Variants in NPC1 observed in about 807,000 individuals in gnomAD.
The protein encoded by NPC1 is Niemann-Pick C1 protein.
A neutral mutation model predicts 140.4 loss-of-function variants in NPC1; 85 were observed. The ratio of observed to expected loss-of-function variants is 0.61; its 90% CI spans 0.51 to 0.72. The LOEUF is 0.72. Among genes scored for constraint, NPC1 ranks in the 30% least tolerant of loss-of-function variants. NPC1 has a pLI of 0.00. For missense variants in NPC1, 1,504 were observed against 1,623.8 expected, an observed-to-expected ratio of 0.93 and a Z score of 1.27; for synonymous variants, 656 against 624.8, an observed-to-expected ratio of 1.05 and a Z score of -0.74.
chr18:23,564,011 T>TG (rs1319094837), intron 4 of NPC1, among the ~76,000 whole-genome samples: 1 of 90,818 alleles, frequency 1.1e-5, no homozygotes, highest in African/African-American at 4.2e-5. Context: ...TTTTTGGAGA[T>TG]GGAGTCTCTG....
downstream of NPC1, among the ~76,000 whole-genome samples, chr18:23,517,759 C>T (rs2058047533): frequency 6.6e-6 from 1 of 151,676 alleles, no homozygotes; most frequent in Non-Finnish European, 1.5e-5. Flanking sequence ...GCTCTGTTGC[C>T]CAGGCTGGAG....
At position 23,563,485 on chromosome 18, in the gene NPC1, A is replaced by G. The variant is rs575940983; in HGVS notation, c.464-1958T>C. On this transcript the variant is annotated intron_variant, in intron 4 of 24. Coordinates refer to ENST00000269228, the MANE Select transcript of NPC1 (RefSeq NM_000271.5). ...ACACAGATTGGAGTGCAGTGGTGTGATCTCAGCTCACTGGCAACCTCTGCC... is the reference window on the plus strand; with the variant it reads ...ACACAGATTGGAGTGCAGTGGTGTGGTCTCAGCTCACTGGCAACCTCTGCC... 5.9e-4 allele frequency among the ~76,000 whole-genome samples: 90 copies of G among 152,252 alleles called. 1 individual carries two copies. Among genetic ancestry groups the G allele is most frequent in the Non-Finnish European group, 1.2e-3 (79 of 68,016 alleles).
downstream of NPC1, chr18:23,520,303 C>T: frequency 6.2e-7 from 1 of 1,613,212 alleles, no homozygotes; most frequent in Non-Finnish European, 8.5e-7. Flanking sequence ...CCTATCAGAT[C>T]CCCATCACAG....
At position 23,557,111 on chromosome 18, in the gene NPC1, G is replaced by A. The variant is rs2058965105; in HGVS notation, c.955+6C>T. On this transcript the variant is annotated splice_donor_region_variant and intron_variant, in intron 7 of 24. Coordinates refer to ENST00000269228, the MANE Select transcript of NPC1 (RefSeq NM_000271.5). The stretch of plus-strand genomic sequence containing the variant: ...AACCCTTTTATTCATGGACAAATAT[G>A]CCTACCTTTGTCACTTGCATTAACA... The A allele has an allele frequency of 2.5e-6, 4 of 1,603,996 alleles. No individual in the cohort carries two copies. Among genetic ancestry groups the A allele is most frequent in the African/African-American group, 2.7e-5 (2 of 74,888 alleles).
intron 21 of NPC1, among the ~76,000 whole-genome samples, chr18:23,536,251 T>C (rs2058628529): frequency 6.6e-6 from 1 of 152,208 alleles, no homozygotes; most frequent in Non-Finnish European, 1.5e-5. Context: ...AATACTTTTC[T>C]TCCTGGGAAA....
downstream of NPC1, among the ~76,000 whole-genome samples, chr18:23,526,326 G>C (rs1028090953): frequency 7.2e-5 from 11 of 152,202 alleles, no homozygotes; most frequent in Admixed American, 7.2e-4. Flanking sequence ...CTAGGTCTAG[G>C]GAAGTCCCCG....
downstream of NPC1, chr18:23,526,694 A>G: frequency 1.9e-6 from 3 of 1,614,136 alleles, no homozygotes; most frequent in Non-Finnish European, 2.5e-6. Context: ...TTACCAGACA[A>G]AGGAAGACTC....
intron 6 of NPC1, among the ~76,000 whole-genome samples, chr18:23,558,826 C>T (rs1184083836): frequency 6.6e-6 from 1 of 152,030 alleles, no homozygotes; most frequent in Non-Finnish European, 1.5e-5. Context: ...TACCCATTAA[C>T]TCGTCATTTA....
At chr18:23,550,163 C>T (rs952616004) in intron 10 of NPC1, among the ~76,000 whole-genome samples, 3 of 152,028 alleles carry the variant, frequency 2.0e-5, no homozygotes, top group African/African-American at 7.2e-5. Flanking sequence ...AAGCATGCAC[C>T]ACCATGCCCA....
intron 1 of NPC1, among the ~76,000 whole-genome samples, chr18:23,579,683 G>A (rs1048131303): frequency 1.3e-5 from 2 of 152,142 alleles, no homozygotes; most frequent in African/African-American, 4.8e-5. Context: ...GAGGTCAGGA[G>A]ATCGAGACCA....
At chr18:23,526,806 G>A (rs1184592491), downstream of NPC1, 1 of 1,605,134 alleles carries the variant, frequency 6.2e-7, no homozygotes, top group South Asian at 1.1e-5. Flanking sequence ...TCCAGTGTGA[G>A]GCCTGTGCTG....
intron 3 of NPC1, among the ~76,000 whole-genome samples, chr18:23,510,367 G>T (rs901276855): frequency 8.5e-5 from 13 of 152,076 alleles, no homozygotes; most frequent in Admixed American, 8.5e-4. Flanking sequence ...GTGGGCAAAG[G>T]CCAGGTACAG....
chr18:23,545,738 C>T (rs1298025950), intron 11 of NPC1, among the ~76,000 whole-genome samples: 2 of 152,128 alleles, frequency 1.3e-5, no homozygotes, highest in Non-Finnish European at 2.9e-5. Flanking sequence ...ACTACAGAGA[C>T]GTATCCCCAT....
rs34182768 is a variant in NPC1 at position 23,548,339 on chromosome 18, CTT to C, written c.1655-233_1655-232del. ...TGGTTATCATTCAGGAAGAGTAACT[CTT>C]TTTTTTTTTTTTTTTAAAGGATACA... On this transcript the variant is annotated intron_variant, in intron 10 of 24. Transcript: ENST00000269228. Among the ~76,000 whole-genome samples the C allele has an allele frequency of 0.022, 2,942 of 136,108 alleles. 89 individuals carry two copies. The highest frequency in any genetic ancestry group is 0.072 in the African/African-American group (2,737 of 37,828). The allele number at this position is 136,108 out of a possible 152,430, so 89.3% of individuals were successfully genotyped here. A position where few individuals can be genotyped will look rare whatever the true frequency, so the allele number is the denominator to read the frequency against.
chr18:23,538,461 T>G lies in NPC1; in HGVS notation c.3041+81A>C, dbSNP rs2058664580. The G allele has an allele frequency of 5.2e-6, 8 of 1,550,554 alleles. No individual in the cohort carries two copies. In the Admixed American group the frequency reaches 1.3e-4, roughly 26 times the overall value. On this transcript the variant is annotated intron_variant, in intron 20 of 24. Transcript: ENST00000269228. ...GAGAAGAGACGTTCCCATGCAACTG[T>G]CTTAGCCCAGTCCTCTCCTAGTTTT...
intron 1 of NPC1, among the ~76,000 whole-genome samples, chr18:23,581,445 A>T (rs1472454245): frequency 6.6e-6 from 1 of 152,206 alleles, no homozygotes; most frequent in Non-Finnish European, 1.5e-5. Context: ...CAGTTGAAGC[A>T]CCCAATGTGC....
rs993093547 is a variant in NPC1, at chr18:23,531,899, T to C, written c.*303A>G. The C allele has an allele frequency of 6.2e-6, 9 of 1,442,426 alleles. No individual in the cohort carries two copies. The highest frequency in any genetic ancestry group is 8.1e-6 in the Non-Finnish European group (9 of 1,105,530). The allele number at this position is 1,442,426 out of a possible 1,614,324, so 89.4% of individuals were successfully genotyped here. A position where few individuals can be genotyped will look rare whatever the true frequency, so the allele number is the denominator to read the frequency against. Reference sequence around the variant, plus strand: ...TGCATTGATTGGCCTTTACAGAGTGTCAGTGAGCGGATCACATTCACAGCC... The same window carrying C: ...TGCATTGATTGGCCTTTACAGAGTGCCAGTGAGCGGATCACATTCACAGCC... On this transcript the variant is annotated 3_prime_UTR_variant, in exon 25 of 25. Transcript: ENST00000269228.
At chr18:23,545,924 T>G (rs1206189529) in intron 11 of NPC1, among the ~76,000 whole-genome samples, 4 of 152,130 alleles carry the variant, frequency 2.6e-5, no homozygotes, top group Non-Finnish European at 5.9e-5. Flanking sequence ...GACTATCAGA[T>G]TACAGCTAAG....
At chr18:23,581,332 A>T (rs1250660304) in intron 1 of NPC1, among the ~76,000 whole-genome samples, 2 of 152,166 alleles carry the variant, frequency 1.3e-5, no homozygotes, top group Admixed American at 1.3e-4. Context: ...TGCTCTACTA[A>T]CCAAGTGGAA....
Sources: gnomAD v4.1 joint callset for allele counts (sites outside exome capture counted in the v4.1 genomes callset) on GRCh38, gnomAD v4.1.1 for gene constraint, MANE v1.5 for transcripts, NCBI Gene and HGNC (gene_info 2026-07-23, HGNC 2026-07-21) for gene names.